TMEM178B: variants seen among roughly 807,000 people sequenced by gnomAD.
TMEM178B encodes transmembrane protein 178B.
Under a neutral mutation model 31.0 loss-of-function variants are expected in TMEM178B, and 5 were observed. That is an observed-to-expected ratio of 0.16 (90% CI 0.08 to 0.34). TMEM178B has a LOEUF of 0.34. TMEM178B is among the 10% of genes least tolerant of loss of function. TMEM178B has a pLI of 1.00. For missense variants in TMEM178B, 275 were observed against 400.3 expected, an observed-to-expected ratio of 0.69 and a Z score of 2.67; for synonymous variants, 164 against 164.0, an observed-to-expected ratio of 1.00 and a Z score of 0.00.
chr7:141,483,538 A>G (rs1159539636), downstream of TMEM178B, among the ~76,000 whole-genome samples: 1 of 152,112 alleles, frequency 6.6e-6, no homozygotes, highest in Non-Finnish European at 1.5e-5. Flanking sequence ...AAATTGTGCC[A>G]CTTGGCCTCC....
chr7:141,146,020 T>G (rs929701979), intron 1 of TMEM178B, among the ~76,000 whole-genome samples: 2 of 152,230 alleles, frequency 1.3e-5, no homozygotes, highest in Non-Finnish European at 2.9e-5. Context: ...TGTTGAGTGC[T>G]TACTATATGC....
At chr7:141,292,798 C>T (rs906209946) in intron 2 of TMEM178B, among the ~76,000 whole-genome samples, 3 of 151,916 alleles carry the variant, frequency 2.0e-5, no homozygotes, top group South Asian at 2.1e-4. Context: ...CCACCATGCC[C>T]GGCTAATTTT....
chr7:141,411,729 A>G lies in TMEM178B; in HGVS notation c.497-25879A>G, dbSNP rs1428877031. Among the ~76,000 whole-genome samples, 4 of 152,240 alleles carry G rather than the reference A, an allele frequency of 2.6e-5. No homozygotes were observed. In the East Asian group the frequency reaches 7.7e-4, roughly 29 times the overall value. On this transcript the variant is annotated intron_variant, in intron 2 of 3. Coordinates refer to ENST00000565468, the MANE Select transcript of TMEM178B (RefSeq NM_001195278.2). ...TGGGAGGCAGAGTGCTCAGCCTGAA[A>G]TAAAACAATCAGCGCAAACTCGCTA...
intron 2 of TMEM178B, among the ~76,000 whole-genome samples, chr7:141,368,500 AT>A (rs1800052125): frequency 6.6e-6 from 1 of 152,166 alleles, no homozygotes; most frequent in Non-Finnish European, 1.5e-5. Context: ...TTGGGATTCC[AT>A]TTTTTAATGT....
At chr7:141,420,636 G>GT (rs2116651006) in intron 2 of TMEM178B, among the ~76,000 whole-genome samples, 1 of 152,336 alleles carries the variant, frequency 6.6e-6, no homozygotes, top group South Asian at 2.1e-4. Context: ...GAGGGAATGA[G>GT]TGGAGAGAAG....
At chr7:141,433,209 C>T (rs918937367) in intron 2 of TMEM178B, among the ~76,000 whole-genome samples, 4 of 152,316 alleles carry the variant, frequency 2.6e-5, no homozygotes, top group Non-Finnish European at 5.9e-5. Flanking sequence ...GAGAGGAATC[C>T]CTCAGTGATA....
intron 2 of TMEM178B, among the ~76,000 whole-genome samples, chr7:141,282,257 C>T (rs967185817): frequency 6.6e-6 from 1 of 152,140 alleles, no homozygotes; most frequent in Non-Finnish European, 1.5e-5. Flanking sequence ...GAAAAATACC[C>T]CTGGGTTTGC....
chr7:141,458,760 G>C lies in TMEM178B; in HGVS notation c.635-11776G>C, dbSNP rs6973469. Among the ~76,000 whole-genome samples, 325 of 152,298 alleles carry C rather than the reference G, an allele frequency of 2.1e-3. 1 individual carries two copies. Among genetic ancestry groups the C allele is most frequent in the African/African-American group, 7.8e-3 (323 of 41,548 alleles). On this transcript the variant is annotated intron_variant, in intron 3 of 3. Coordinates refer to ENST00000565468, the MANE Select transcript of TMEM178B (RefSeq NM_001195278.2). ...GCTCTTCAAAATAATCCTGCAGAGA[G>C]GGTATTATTCTGATGCTGAAGTCCT...
At chr7:141,494,836 C>T in the TMEM178B span, among the ~76,000 whole-genome samples, 6,338 of 152,080 alleles carry the variant, frequency 0.042, 389 homozygotes, top group African/African-American at 0.14. Context: ...TAAATGTAGG[C>T]GCTGAGATAG....
chr7:141,371,212 G>A (rs1001672308), intron 2 of TMEM178B, among the ~76,000 whole-genome samples: 1 of 152,122 alleles, frequency 6.6e-6, no homozygotes, highest in Non-Finnish European at 1.5e-5. Flanking sequence ...CGCATTATGG[G>A]CTGGATTGCT....
At chr7:141,366,141 C>G (rs537079363) in intron 2 of TMEM178B, among the ~76,000 whole-genome samples, 4 of 152,130 alleles carry the variant, frequency 2.6e-5, no homozygotes, top group African/African-American at 7.2e-5. Context: ...TGAGCATGTG[C>G]GTTCCTTTGG....
intron 2 of TMEM178B, among the ~76,000 whole-genome samples, chr7:141,348,248 A>G (rs1042300056): frequency 7.9e-5 from 12 of 152,250 alleles, no homozygotes; most frequent in Non-Finnish European, 1.5e-4. Flanking sequence ...CACAAAATCA[A>G]TGAAGCAAAG....
At chr7:141,336,715 T>C (rs575925726) in intron 2 of TMEM178B, among the ~76,000 whole-genome samples, 14 of 151,558 alleles carry the variant, frequency 9.2e-5, no homozygotes, top group Non-Finnish European at 1.6e-4. Context: ...ACACATTATA[T>C]AACTCTTACT....
At chr7:141,181,280 G>A (rs1310355715) in intron 1 of TMEM178B, among the ~76,000 whole-genome samples, 1 of 152,190 alleles carries the variant, frequency 6.6e-6, no homozygotes, top group Non-Finnish European at 1.5e-5. Context: ...CACACAATAA[G>A]TTCTTGACAC....
chr7:141,311,528 AC>A (rs1283345785), intron 2 of TMEM178B, among the ~76,000 whole-genome samples: 1 of 152,158 alleles, frequency 6.6e-6, no homozygotes, highest in East Asian at 1.9e-4. Flanking sequence ...AATATTTGCT[AC>A]AAATTTGTTT....
rs1278100540 is a variant in TMEM178B, at chr7:141,428,547, G to C, written c.497-9061G>C. 2.6e-5 allele frequency among the ~76,000 whole-genome samples: 4 copies of C among 152,192 alleles called. No individual in the cohort carries two copies. The East Asian group carries it at 7.7e-4, about 29-fold the overall frequency. ...ACCTTCCTGTGAAAATGCTAGACCA[G>C]GTAAGGGAAAAATGCCTCATGGAGG... On this transcript the variant is annotated intron_variant, in intron 2 of 3. Transcript: ENST00000565468.
intron 2 of TMEM178B, among the ~76,000 whole-genome samples, chr7:141,244,994 A>G (rs553328708): frequency 1.3e-5 from 2 of 151,242 alleles, no homozygotes; most frequent in Non-Finnish European, 3.0e-5. Context: ...AAAATTTAGC[A>G]GGCATGGTGG....
intron 3 of TMEM178B, among the ~76,000 whole-genome samples, chr7:141,446,185 C>T (rs1424055543): frequency 6.6e-6 from 1 of 152,164 alleles, no homozygotes; most frequent in African/African-American, 2.4e-5. Context: ...AGGAGGGCCT[C>T]ATTTTCACAC....
At chr7:141,177,077 G>C (rs986100194) in intron 1 of TMEM178B, among the ~76,000 whole-genome samples, 1 of 152,046 alleles carries the variant, frequency 6.6e-6, no homozygotes, top group Non-Finnish European at 1.5e-5. Flanking sequence ...GCTTTCTCTT[G>C]TGGGCATTTA....
Sources: gnomAD v4.1 joint callset for allele counts (sites outside exome capture counted in the v4.1 genomes callset) on GRCh38, gnomAD v4.1.1 for gene constraint, MANE v1.5 for transcripts, NCBI Gene and HGNC (gene_info 2026-07-23, HGNC 2026-07-21) for gene names.